The following PLXDC2 variants were observed in gnomAD, a reference collection of about 807,000 sequenced individuals.
The protein encoded by PLXDC2 is plexin domain containing 2.
PLXDC2 carries 40 observed loss-of-function variants against 68.9 expected under a neutral mutation model. The ratio of observed to expected loss-of-function variants is 0.58; its 90% CI spans 0.45 to 0.76. The LOEUF (loss-of-function observed/expected upper bound fraction) is 0.76. Among genes scored for constraint, PLXDC2 ranks in the 30% least tolerant of loss-of-function variants. The pLI, the probability that PLXDC2 is intolerant of heterozygous loss-of-function variation, is 0.00. For missense variants in PLXDC2, 644 were observed against 661.9 expected (o/e 0.97, Z 0.30); for synonymous variants, 243 against 234.2 (o/e 1.04, Z -0.34).
At chr10:20,246,953 C>G (rs1335850358) in intron 13 of PLXDC2, among the ~76,000 whole-genome samples, 1 of 152,088 alleles carries the variant, frequency 6.6e-6, no homozygotes, top group Non-Finnish European at 1.5e-5. Context: ...TCCTTGATAG[C>G]TCACAACTGT....
intron 3 of PLXDC2, among the ~76,000 whole-genome samples, chr10:20,063,015 A>T (rs931030586): frequency 4.6e-5 from 7 of 152,160 alleles, no homozygotes; most frequent in African/African-American, 2.4e-5. Context: ...TTTGAAAAAA[A>T]ATCATAAATA....
At chr10:20,239,639 C>A (rs1835488728) in intron 12 of PLXDC2, among the ~76,000 whole-genome samples, 1 of 152,114 alleles carries the variant, frequency 6.6e-6, no homozygotes, top group Non-Finnish European at 1.5e-5. Flanking sequence ...GTGGGGATTA[C>A]AATTCAAGAA....
intron 1 of PLXDC2, among the ~76,000 whole-genome samples, chr10:19,848,084 C>G (rs1487525452): frequency 6.6e-6 from 1 of 152,076 alleles, no homozygotes; most frequent in African/African-American, 2.4e-5. Context: ...TTTTAGGAGG[C>G]TGAGGCAGGA....
intron 3 of PLXDC2, among the ~76,000 whole-genome samples, chr10:20,049,793 A>T (rs1463266173): frequency 6.6e-6 from 1 of 152,142 alleles, no homozygotes; most frequent in Non-Finnish European, 1.5e-5. Flanking sequence ...TGCCCAAAGC[A>T]ATTTACAGAT....
At chr10:20,123,050 G>A (rs767307492) in intron 4 of PLXDC2, among the ~76,000 whole-genome samples, 2 of 152,132 alleles carry the variant, frequency 1.3e-5, no homozygotes, top group African/African-American at 4.8e-5. Flanking sequence ...TTTAGCTCCA[G>A]CCACCTTTTT....
At chr10:19,971,771 G>C (rs1834357959) in intron 1 of PLXDC2, among the ~76,000 whole-genome samples, 1 of 151,946 alleles carries the variant, frequency 6.6e-6, no homozygotes, top group Admixed American at 6.6e-5. Context: ...AACTTGTTAT[G>C]ATCATAACAA....
chr10:20,121,009 T>A (rs1373146403), intron 4 of PLXDC2, among the ~76,000 whole-genome samples: 1 of 152,054 alleles, frequency 6.6e-6, no homozygotes, highest in African/African-American at 2.4e-5. Context: ...GATACAGTCA[T>A]GGGTGTCAGT....
At chr10:19,861,737 C>G (rs1837322682) in intron 1 of PLXDC2, among the ~76,000 whole-genome samples, 2 of 152,212 alleles carry the variant, frequency 1.3e-5, no homozygotes, top group Admixed American at 1.3e-4. Flanking sequence ...TGCAGCTCCT[C>G]TGACCTCTAG....
At chr10:19,923,164 T>A (rs1179179446) in intron 1 of PLXDC2, among the ~76,000 whole-genome samples, 1 of 152,220 alleles carries the variant, frequency 6.6e-6, no homozygotes, top group Non-Finnish European at 1.5e-5. Flanking sequence ...GAAGGTGTGT[T>A]GTTGAGTGCT....
At chr10:20,267,817 T>G (rs1467650478) in intron 13 of PLXDC2, among the ~76,000 whole-genome samples, 1 of 151,470 alleles carries the variant, frequency 6.6e-6, no homozygotes, top group South Asian at 2.1e-4. Context: ...AATTGTTATA[T>G]CTCAGTCATC....
intron 1 of PLXDC2, among the ~76,000 whole-genome samples, chr10:19,886,740 C>T (rs951297589): frequency 6.6e-6 from 1 of 152,174 alleles, no homozygotes; most frequent in Non-Finnish European, 1.5e-5. Context: ...TCTCTCACCA[C>T]TCCTATTCAA....
In PLXDC2 at chr10:20,157,508, C is replaced by T. The variant is rs377535899; in HGVS notation, c.784-6960C>T. On this transcript the variant is annotated intron_variant, in intron 6 of 13. Transcript: ENST00000377252. ...AAAATTCCATTAACTATTACTTAAG[C>T]GGCATGCTGTTATCTCCCTGGTTTA... Among the ~76,000 whole-genome samples the T allele has an allele frequency of 8.9e-4, 136 of 152,232 alleles. 4 individuals carry two copies. The South Asian group carries it at 0.023, about 26-fold the overall frequency.
chr10:20,046,539 AATAC>A (rs1835802310), intron 2 of PLXDC2, among the ~76,000 whole-genome samples: 1 of 152,076 alleles, frequency 6.6e-6, no homozygotes, highest in Non-Finnish European at 1.5e-5. Flanking sequence ...TTTGTGAAAA[AATAC>A]ATGGGATTTA....
chr10:19,930,831 C>T (rs534806306), intron 1 of PLXDC2, among the ~76,000 whole-genome samples: 1 of 152,032 alleles, frequency 6.6e-6, no homozygotes, highest in South Asian at 2.1e-4. Context: ...GGCCTGGTTG[C>T]AGGTGCTTGC....
intron 1 of PLXDC2, among the ~76,000 whole-genome samples, chr10:19,899,271 G>A (rs771271585): frequency 2.0e-5 from 3 of 152,032 alleles, no homozygotes; most frequent in Admixed American, 6.5e-5. Context: ...TATGTAAAAT[G>A]TGCACACTTC....
At chr10:20,132,439 T>G (rs759146621) in intron 4 of PLXDC2, among the ~76,000 whole-genome samples, 21 of 152,170 alleles carry the variant, frequency 1.4e-4, no homozygotes, top group Non-Finnish European at 2.8e-4. Flanking sequence ...CTGCTGAAGG[T>G]GGCAATATTG....
At chr10:20,120,499 A>T (rs925582899) in intron 4 of PLXDC2, among the ~76,000 whole-genome samples, 1 of 152,076 alleles carries the variant, frequency 6.6e-6, no homozygotes, top group Non-Finnish European at 1.5e-5. Flanking sequence ...CTGGTCTGTT[A>T]TCAGACTGTA....
At chr10:20,082,075 A>AAAAAAAAG (rs1474710318) in intron 4 of PLXDC2, among the ~76,000 whole-genome samples, 2 of 149,706 alleles carry the variant, frequency 1.3e-5, no homozygotes, top group African/African-American at 2.4e-5. Flanking sequence ...AAAAAAAAAA[A>AAAAAAAAG]ACAGGAGAAG....
chr10:20,130,672 A>T (rs1292446161), intron 4 of PLXDC2, among the ~76,000 whole-genome samples: 2 of 152,118 alleles, frequency 1.3e-5, no homozygotes, highest in East Asian at 3.8e-4. Flanking sequence ...TTCCATCTAT[A>T]CCTAATTTGT....
Sources: gnomAD v4.1 joint callset for allele counts (sites outside exome capture counted in the v4.1 genomes callset) on GRCh38, gnomAD v4.1.1 for gene constraint, MANE v1.5 for transcripts, NCBI Gene and HGNC (gene_info 2026-07-23, HGNC 2026-07-21) for gene names.